AGBL3: variants seen among roughly 807,000 people sequenced by gnomAD.
The protein encoded by AGBL3 is AGBL carboxypeptidase 3.
In AGBL3, 68 loss-of-function variants were observed where a neutral mutation model predicts 94.5. The observed-to-expected ratio is 0.72, with a 90% CI of 0.59 to 0.88. AGBL3 has a LOEUF of 0.88. AGBL3 is among the 40% of genes least tolerant of loss of function. AGBL3 has a pLI of 0.00. For missense variants in AGBL3, 934 were observed against 1,103.8 expected, an observed-to-expected ratio of 0.85 and a Z score of 2.18; for synonymous variants, 354 against 370.7, an observed-to-expected ratio of 0.95 and a Z score of 0.52.
intron 5 of AGBL3, among the ~76,000 whole-genome samples, chr7:135,030,908 A>C (rs1473278596): frequency 6.6e-6 from 1 of 152,192 alleles, no homozygotes; most frequent in East Asian, 1.9e-4. Context: ...AAATGATGTT[A>C]TGATTTATGA....
At chr7:135,096,657 A>G (rs918516229) in intron 15 of AGBL3, among the ~76,000 whole-genome samples, 2 of 144,156 alleles carry the variant, frequency 1.4e-5, no homozygotes, top group Non-Finnish European at 3.1e-5. Context: ...GGAAGAACTT[A>G]TACAACTAGG....
At chr7:135,090,718 GGT>G (rs1487191683) in intron 15 of AGBL3, among the ~76,000 whole-genome samples, 1 of 152,142 alleles carries the variant, frequency 6.6e-6, no homozygotes, top group Non-Finnish European at 1.5e-5. Flanking sequence ...GAGCAGCCAA[GGT>G]ACTGTTTTCC....
chr7:135,073,153 AGAT>A (rs1370353262), intron 12 of AGBL3, among the ~76,000 whole-genome samples: 1 of 151,976 alleles, frequency 6.6e-6, no homozygotes, highest in Non-Finnish European at 1.5e-5. Context: ...GGGGTCGGGG[AGAT>A]GTTAGTCAAG....
In AGBL3 at chr7:135,095,346, A is replaced by G. The variant is rs55907743; in HGVS notation, c.2110+13556A>G. 2.0e-3 allele frequency among the ~76,000 whole-genome samples: 308 copies of G among 152,334 alleles called. 1 individual carries two copies. Among genetic ancestry groups the G allele is most frequent in the Non-Finnish European group, 3.2e-3 (218 of 68,036 alleles). On this transcript the variant is annotated intron_variant, in intron 15 of 16. Coordinates refer to ENST00000436302, the MANE Select transcript of AGBL3 (RefSeq NM_178563.4). The stretch of plus-strand genomic sequence containing the variant: ...GTATAATAACAGTGGTTTACAGCTG[A>G]TAAAGCAGCAAGAAAGACAGATTCT...
At chr7:135,020,798 G>C (rs1584856322) in intron 5 of AGBL3, among the ~76,000 whole-genome samples, 1 of 151,280 alleles carries the variant, frequency 6.6e-6, no homozygotes, top group African/African-American at 2.4e-5. Context: ...TCTGAGCAAA[G>C]TATCGCAAGG....
At chr7:135,030,319 A>G (rs1815592565) in intron 5 of AGBL3, among the ~76,000 whole-genome samples, 1 of 152,220 alleles carries the variant, frequency 6.6e-6, no homozygotes, top group Admixed American at 6.5e-5. Flanking sequence ...AGCTGAAAAT[A>G]TCATAAATCA....
chr7:135,004,846 C>T (rs956984217), intron 4 of AGBL3, among the ~76,000 whole-genome samples: 1 of 151,274 alleles, frequency 6.6e-6, no homozygotes, highest in African/African-American at 2.4e-5. Context: ...AGAATCAGTG[C>T]TTGAAATTAT....
chr7:135,114,709 A>G (rs975370088), intron 15 of AGBL3, among the ~76,000 whole-genome samples: 2 of 152,030 alleles, frequency 1.3e-5, no homozygotes, highest in Non-Finnish European at 2.9e-5. Context: ...TCTCTCCTGG[A>G]TTGTTTCTGA....
intron 9 of AGBL3, among the ~76,000 whole-genome samples, chr7:135,045,123 T>A (rs960742494): frequency 3.3e-5 from 5 of 152,126 alleles, no homozygotes; most frequent in African/African-American, 1.2e-4. Flanking sequence ...GATACTGATA[T>A]AACATTTGTG....
chr7:135,059,973 C>T (rs1818683479), intron 12 of AGBL3, among the ~76,000 whole-genome samples: 1 of 152,130 alleles, frequency 6.6e-6, no homozygotes, highest in South Asian at 2.1e-4. Context: ...TGGGTAGGGT[C>T]AACTGGTCTT....
chr7:135,132,105 T>C (rs1247668286), intron 16 of AGBL3, among the ~76,000 whole-genome samples: 5 of 152,148 alleles, frequency 3.3e-5, no homozygotes, highest in Non-Finnish European at 5.9e-5. Flanking sequence ...AAAGGAAGAA[T>C]TAATACCAAT....
At chr7:135,091,101 C>G (rs1585052074) in intron 15 of AGBL3, among the ~76,000 whole-genome samples, 2 of 152,068 alleles carry the variant, frequency 1.3e-5, no homozygotes, top group Non-Finnish European at 2.9e-5. Flanking sequence ...CTCTTGCTTT[C>G]TCTTCCTTGC....
At chr7:135,036,231 T>A (rs1238950995) in intron 7 of AGBL3, among the ~76,000 whole-genome samples, 3 of 152,170 alleles carry the variant, frequency 2.0e-5, no homozygotes, top group African/African-American at 7.2e-5. Flanking sequence ...CACGCTTTCT[T>A]ACTTTTTAAA....
chr7:135,083,044 C>A (rs550499404), intron 15 of AGBL3, among the ~76,000 whole-genome samples: 1 of 152,224 alleles, frequency 6.6e-6, no homozygotes, highest in South Asian at 2.1e-4. Flanking sequence ...AGCTACAAAT[C>A]TGATTGGTAT....
chr7:135,047,661 T>C (rs1024729143), intron 11 of AGBL3, among the ~76,000 whole-genome samples: 5 of 152,020 alleles, frequency 3.3e-5, no homozygotes. Flanking sequence ...TTGGCCAGTG[T>C]GTCTTATTGT....
intron 16 of AGBL3, among the ~76,000 whole-genome samples, chr7:135,125,033 C>T (rs1472520302): frequency 6.6e-6 from 1 of 151,752 alleles, no homozygotes; most frequent in African/African-American, 2.4e-5. Flanking sequence ...TAGCAGAAGA[C>T]AAGAAATAAC....
intron 4 of AGBL3, 69 bp downstream of exon 4, chr7:134,993,747 G>A: frequency 1.6e-6 from 2 of 1,259,500 alleles, no homozygotes; most frequent in South Asian, 4.2e-5. Context: ...ATTTTAATGA[G>A]GAGACTCACA....
chr7:135,134,722 CT>C, intron 16 of AGBL3, 118 bp from the exon 17 acceptor site: 1 of 965,612 alleles, frequency 1.0e-6, no homozygotes, highest in Non-Finnish European at 1.5e-6. Context: ...AATTCTTAAA[CT>C]TTAAGAAGTT....
intron 16 of AGBL3, among the ~76,000 whole-genome samples, chr7:135,120,091 T>C (rs1286710617): frequency 6.6e-6 from 1 of 152,130 alleles, no homozygotes; most frequent in Non-Finnish European, 1.5e-5. Flanking sequence ...AGAGAATTTT[T>C]CACCAGAAGA....
Sources: allele counts gnomAD v4.1 joint callset (sites outside exome capture counted in the v4.1 genomes callset), GRCh38; gene constraint gnomAD v4.1.1; transcripts MANE v1.5; gene names NCBI Gene and HGNC (gene_info 2026-07-23, HGNC 2026-07-21).